The following ARHGAP8 variants were observed in gnomAD, a reference collection of about 807,000 sequenced individuals.
ARHGAP8 encodes the protein Rho GTPase activating protein 8, also known as rho GTPase-activating protein 8.
A neutral mutation model predicts 46.1 loss-of-function variants in ARHGAP8; 62 were observed. The observed-to-expected ratio is 1.34, with a 90% CI of 1.10 to 1.66. The LOEUF (loss-of-function observed/expected upper bound fraction) is 1.66, where lower values mean the gene tolerates loss of function less well. Ranked by LOEUF, ARHGAP8 falls within the 40% of genes most tolerant of loss-of-function variation. The pLI, the probability that ARHGAP8 is intolerant of heterozygous loss-of-function variation, is 0.00. For missense variants in ARHGAP8, 923 were observed against 568.4 expected (o/e 1.62, Z -6.34); for synonymous variants, 375 against 243.1 (o/e 1.54, Z -5.05).
intron 7 of ARHGAP8, among the ~76,000 whole-genome samples, chr22:44,832,782 T>C (rs776940997): frequency 6.6e-6 from 1 of 152,166 alleles, no homozygotes; most frequent in Non-Finnish European, 1.5e-5. Flanking sequence ...CAATACATTG[T>C]TGAATAAAAA....
chr22:44,827,336 G>GT (rs796490147), intron 7 of ARHGAP8, among the ~76,000 whole-genome samples: 11,155 of 66,350 alleles, frequency 0.17, 3,445 homozygotes, highest in Non-Finnish European at 0.18. Context: ...TTGGGTGGTG[G>GT]TTTTTTTTTT....
In ARHGAP8 at chr22:44,811,409, A is replaced by G. The variant is rs181544757; in HGVS notation, c.299+2971A>G. 7.2e-3 allele frequency among the ~76,000 whole-genome samples: 1,091 copies of G among 152,330 alleles called. 7 individuals are homozygous for G. Among genetic ancestry groups the G allele is most frequent in the African/African-American group, 0.024 (981 of 41,564 alleles). The stretch of plus-strand genomic sequence containing the variant: ...TTGATAAGTGGAGCCACGCAGGTGG[A>G]GAGACTTGAAGCAGTGACTTCCAAT... On this transcript the variant is annotated intron_variant, in intron 4 of 11. Coordinates refer to ENST00000356099, the MANE Select transcript of ARHGAP8 (RefSeq NM_181335.3).
intron 1 of ARHGAP8, among the ~76,000 whole-genome samples, chr22:44,772,292 G>A (rs1207303862): frequency 9.6e-6 from 1 of 104,576 alleles, no homozygotes; most frequent in African/African-American, 3.6e-5. Context: ...GAGTGCAGTG[G>A]CATGATCTCA....
intron 1 of ARHGAP8, among the ~76,000 whole-genome samples, chr22:44,767,562 A>G (rs1220519869): frequency 1.3e-5 from 2 of 152,136 alleles, no homozygotes; most frequent in Non-Finnish European, 2.9e-5. Context: ...GCACTCTTTT[A>G]TAAACCAGAA....
intron 1 of ARHGAP8, among the ~76,000 whole-genome samples, chr22:44,771,709 C>T (rs758806224): frequency 3.3e-5 from 5 of 151,470 alleles, no homozygotes; most frequent in Non-Finnish European, 7.4e-5. Context: ...CACCTGCCAA[C>T]ACGCCTGGCT....
At chr22:44,823,096 G>A (rs1307343637) in intron 6 of ARHGAP8, among the ~76,000 whole-genome samples, 1 of 152,236 alleles carries the variant, frequency 6.6e-6, no homozygotes, top group African/African-American at 2.4e-5. Flanking sequence ...GCCAAAGTAC[G>A]TGCAGGGAAG....
intron 1 of ARHGAP8, 114 bp downstream of exon 1, chr22:44,752,741 G>A (rs1407266925): frequency 1.3e-5 from 2 of 151,638 alleles, no homozygotes; most frequent in African/African-American, 2.4e-5. Flanking sequence ...CGCTGGCCGG[G>A]TAGGGACGCC....
At chr22:44,848,112 G>A in intron 9 of ARHGAP8, 62 bp downstream of exon 9, 1 of 1,588,128 alleles carries the variant, frequency 6.3e-7, no homozygotes, top group Non-Finnish European at 8.5e-7. Flanking sequence ...GCGCTCCGGG[G>A]CCTCAGAGCG....
intron 2 of ARHGAP8, among the ~76,000 whole-genome samples, chr22:44,795,303 G>C (rs999741112): frequency 6.6e-6 from 1 of 152,238 alleles, no homozygotes; most frequent in Middle Eastern, 3.4e-3. Context: ...GGGTGTCTTT[G>C]CATGTGCCGT....
chr22:44,779,607 G>A (rs941845420), intron 1 of ARHGAP8, among the ~76,000 whole-genome samples: 3 of 134,486 alleles, frequency 2.2e-5, no homozygotes, highest in Admixed American at 8.8e-5. Context: ...TGTCACCCAG[G>A]CTGGAGTGCA....
intron 2 of ARHGAP8, among the ~76,000 whole-genome samples, chr22:44,797,211 A>G (rs886150784): frequency 1.6e-5 from 2 of 126,882 alleles, no homozygotes; most frequent in Non-Finnish European, 3.2e-5. Flanking sequence ...TGATAATGCT[A>G]CTTGGCTTTT....
Position 44,857,010 on chromosome 22 carries a change from G to A in ARHGAP8, c.878-2721G>A, listed in dbSNP as rs2070244733. On this transcript the variant is annotated intron_variant, in intron 10 of 11. Coordinates refer to ENST00000356099, the MANE Select transcript of ARHGAP8 (RefSeq NM_181335.3). ...GGCTGGAGTGCAATGGTGCAATCTC[G>A]GCTCACTGCAACCTCTGCCTCCCGG... is the stretch of plus-strand genomic sequence containing the variant. Among the ~76,000 whole-genome samples, 4 of 140,252 alleles carry A rather than the reference G, an allele frequency of 2.9e-5. 1 individual carries two copies. The highest frequency in any genetic ancestry group is 2.8e-4 in the Admixed American group (4 of 14,520). The allele number at this position is 140,252 out of a possible 152,430, so 92.0% of individuals were successfully genotyped here. A position where few individuals can be genotyped will look rare whatever the true frequency, so the allele number is the denominator to read the frequency against.
chr22:44,792,837 T>G (rs1164708560), intron 2 of ARHGAP8, among the ~76,000 whole-genome samples: 1 of 151,098 alleles, frequency 6.6e-6, no homozygotes, highest in African/African-American at 2.4e-5. Context: ...TGGTTTTTTT[T>G]TTTTGAGATG....
At chr22:44,837,428 GTCC>G (rs775834023) in intron 7 of ARHGAP8, among the ~76,000 whole-genome samples, 4 of 152,216 alleles carry the variant, frequency 2.6e-5, no homozygotes, top group Non-Finnish European at 4.4e-5. Flanking sequence ...GTGCTCCAGA[GTCC>G]TCCTGCCCAG....
intron 7 of ARHGAP8, among the ~76,000 whole-genome samples, chr22:44,830,173 G>A (rs781304012): frequency 4.0e-5 from 6 of 151,320 alleles, no homozygotes; most frequent in African/African-American, 9.7e-5. Flanking sequence ...GCAGGTGCAC[G>A]CTACCAAGTC....
chr22:44,771,609 C>A (rs1224016052), intron 1 of ARHGAP8, among the ~76,000 whole-genome samples: 1 of 151,424 alleles, frequency 6.6e-6, no homozygotes, highest in Non-Finnish European at 1.5e-5. Flanking sequence ...GGCTGCAGTG[C>A]AATGGCGCAA....
intron 1 of ARHGAP8, among the ~76,000 whole-genome samples, chr22:44,785,831 C>A (rs1381831127): frequency 6.6e-6 from 1 of 152,160 alleles, no homozygotes; most frequent in African/African-American, 2.4e-5. Context: ...GACCCCAGTG[C>A]CTGCCCTCAA....
At chr22:44,857,487 C>A (rs1172731445) in intron 10 of ARHGAP8, among the ~76,000 whole-genome samples, 1 of 152,188 alleles carries the variant, frequency 6.6e-6, no homozygotes, top group South Asian at 2.1e-4. Context: ...TTGCACATGA[C>A]ATGGGTACCT....
intron 11 of ARHGAP8, among the ~76,000 whole-genome samples, chr22:44,860,777 T>G (rs1031745663): frequency 6.6e-6 from 1 of 152,048 alleles, no homozygotes; most frequent in Non-Finnish European, 1.5e-5. Context: ...GTTCAACACA[T>G]CCACGTGGGT....
Sources: gnomAD v4.1 joint callset for allele counts (sites outside exome capture counted in the v4.1 genomes callset) on GRCh38, gnomAD v4.1.1 for gene constraint, MANE v1.5 for transcripts, NCBI Gene and HGNC (gene_info 2026-07-23, HGNC 2026-07-21) for gene names.